Variants in DNM2 observed in about 807,000 individuals in gnomAD.
DNM2 encodes dynamin-2.
Under a neutral mutation model 99.0 loss-of-function variants are expected in DNM2, and 15 were observed. That is an observed-to-expected ratio of 0.15 (90% CI 0.10 to 0.23). The LOEUF is 0.23. DNM2 is among the 10% of genes least tolerant of loss of function. The pLI, the probability that DNM2 is intolerant of heterozygous loss-of-function variation, is 1.00. For missense variants in DNM2, 742 were observed against 1,189.4 expected (o/e 0.62, Z 5.53); for synonymous variants, 525 against 481.2 (o/e 1.09, Z -1.19).
At chr19:10,780,990 C>T (rs2071349325) in intron 5 of DNM2, among the ~76,000 whole-genome samples, 1 of 143,026 alleles carries the variant, frequency 7.0e-6, no homozygotes, top group Non-Finnish European at 1.5e-5. Flanking sequence ...TGTACTCCAG[C>T]CTGGGTGACA....
intron 6 of DNM2, 64 bp downstream of exon 6, chr19:10,783,184 T>A: frequency 1.3e-6 from 2 of 1,591,236 alleles, no homozygotes; most frequent in Non-Finnish European, 1.7e-6. Context: ...ACAGCTGCAA[T>A]CCTCACTGGC....
In DNM2 at chr19:10,718,120, C is replaced by T. The variant is rs959205377; in HGVS notation, c.-123C>T. 4.2e-5 allele frequency: 47 copies of T among 1,119,354 alleles called. No individual in the cohort carries two copies. Among genetic ancestry groups the T allele is most frequent in the Non-Finnish European group, 5.1e-5 (45 of 880,132 alleles). The allele number at this position is 1,119,354 out of a possible 1,614,324, so 69.3% of individuals were successfully genotyped here. Reference sequence around the variant, plus strand: ...GGCGACCGTGAGGCCGAGCCGGGAGCGGGCGTCTTGCCGAGGCCCGGGCGG... The same window carrying T: ...GGCGACCGTGAGGCCGAGCCGGGAGTGGGCGTCTTGCCGAGGCCCGGGCGG... On this transcript the variant is annotated 5_prime_UTR_variant, in exon 1 of 21. Transcript: ENST00000389253.
chr19:10,826,953 C>T (rs1355365374), intron 18 of DNM2, among the ~76,000 whole-genome samples: 1 of 151,662 alleles, frequency 6.6e-6, no homozygotes, highest in Admixed American at 6.6e-5. Context: ...CTAAGTAAAA[C>T]TCCCACACAG....
intron 1 of DNM2, among the ~76,000 whole-genome samples, chr19:10,745,105 A>C (rs12463204): frequency 0.63 from 96,158 of 152,028 alleles, 30,616 homozygotes; most frequent in African/African-American, 0.68. Flanking sequence ...ACATGACCTC[A>C]AGCCTGCTGT....
At position 10,818,779 on chromosome 19, in the gene DNM2, G is replaced by A. The variant is rs2072867195; in HGVS notation, c.1672-1201G>A. Among the ~76,000 whole-genome samples, 1 of 152,184 alleles carries A rather than the reference G, an allele frequency of 6.6e-6. No individual in the cohort carries two copies. The highest frequency in any genetic ancestry group is 6.5e-5 in the Admixed American group (1 of 15,282). Reference sequence around the variant, plus strand: ...ACGGCCCAGGGAGAAGAAGGGCCAGGGGCACTGTGGGGAGGACTGGGCTTT... The same window carrying A: ...ACGGCCCAGGGAGAAGAAGGGCCAGAGGCACTGTGGGGAGGACTGGGCTTT... On this transcript the variant is annotated intron_variant, in intron 15 of 20. Coordinates refer to ENST00000389253, the MANE Select transcript of DNM2 (RefSeq NM_001005361.3). This position sits in a 1 kb window ranked among gnomAD's most constrained non-coding sequence, Gnocchi z 4.3.
Position 10,753,675 on chromosome 19 carries a change from G to A in DNM2, c.162-6063G>A, listed in dbSNP as rs376596698. Reference sequence around the variant, plus strand: ...GGTTTTTGTTTTGTTTTTTTCCCCCGAGACGGAGTTTCGCTCTTTGTTGTG... The same window carrying A: ...GGTTTTTGTTTTGTTTTTTTCCCCCAAGACGGAGTTTCGCTCTTTGTTGTG... On this transcript the variant is annotated intron_variant, in intron 1 of 20. Transcript: ENST00000389253. Among the ~76,000 whole-genome samples, 18 of 149,882 alleles carry A rather than the reference G, an allele frequency of 1.2e-4. No individual in the cohort carries two copies. In the South Asian group the frequency reaches 3.4e-3, roughly 28 times the overall value.
rs2072795824 is a variant in DNM2 at position 10,817,551 on chromosome 19, C to G, written c.1672-2429C>G. 2.4e-6 allele frequency: 1 copy of G among 418,636 alleles called. No individual in the cohort carries two copies. The highest frequency in any genetic ancestry group is 4.4e-4 in the Middle Eastern group (1 of 2,270). The allele number at this position is 418,636 out of a possible 1,614,324, so 25.9% of individuals were successfully genotyped here. A position where few individuals can be genotyped will look rare whatever the true frequency, so the allele number is the denominator to read the frequency against. On this transcript the variant is annotated intron_variant, in intron 15 of 20. Coordinates refer to ENST00000389253, the MANE Select transcript of DNM2 (RefSeq NM_001005361.3). This position sits in a 1 kb window ranked among gnomAD's most constrained non-coding sequence, Gnocchi z 4.6. ...CCAGGCAGACGCTGGGGCCACCAGGCCAGGCCGTGCCTCAGCACCTCTGAG... is the reference window on the plus strand; with the variant it reads ...CCAGGCAGACGCTGGGGCCACCAGGGCAGGCCGTGCCTCAGCACCTCTGAG...
At chr19:10,724,336 C>T (rs2069041663) in intron 1 of DNM2, among the ~76,000 whole-genome samples, 1 of 152,146 alleles carries the variant, frequency 6.6e-6, no homozygotes, top group Non-Finnish European at 1.5e-5. Flanking sequence ...TGCCACCAGG[C>T]CCGGCTAATT....
chr19:10,756,311 C>A (rs543962561), intron 1 of DNM2, among the ~76,000 whole-genome samples: 2 of 152,246 alleles, frequency 1.3e-5, no homozygotes, highest in African/African-American at 2.4e-5. Context: ...CCTCTCACCC[C>A]TGCAGTATGT....
Position 10,829,150 on chromosome 19 carries a change from A to G in DNM2, c.2173A>G (p.Met725Val), listed in dbSNP as rs757876109. 10 of 1,613,854 alleles carry G rather than the reference A, an allele frequency of 6.2e-6. No homozygotes were observed. The highest frequency in any genetic ancestry group is 8.5e-6 in the Non-Finnish European group (10 of 1,180,030). ...ACAGCGGCGGGACGACATGCTGCGC[A>G]TGTACCATGCCCTCAAGGAGGCGCT... is the stretch of plus-strand genomic sequence containing the variant. ...QAQRRDDMLRMYHALKEALNI... is the reference protein window; with the variant it reads ...QAQRRDDMLRVYHALKEALNI... The change falls in exon 19 of 21, where the codon ATG becomes GTG. Residue 725 changes from methionine to valine, a missense_variant. This residue lies in a region of DNM2 where 187 missense variants were observed against 218.8 expected (regional missense o/e 0.85). Coordinates refer to ENST00000389253, the MANE Select transcript of DNM2 (RefSeq NM_001005361.3).
At chr19:10,741,031 G>A (rs2069726604) in intron 1 of DNM2, among the ~76,000 whole-genome samples, 2 of 152,114 alleles carry the variant, frequency 1.3e-5, no homozygotes, top group African/African-American at 4.8e-5. Context: ...ATATGCACAT[G>A]ATAAGAATGT....
intron 1 of DNM2, among the ~76,000 whole-genome samples, chr19:10,742,061 G>A (rs2069772573): frequency 6.6e-6 from 1 of 151,224 alleles, no homozygotes; most frequent in South Asian, 2.1e-4. Flanking sequence ...AGAGTCCTGT[G>A]CTTTTTTATA....
At chr19:10,738,991 A>AC (rs2069637694) in intron 1 of DNM2, among the ~76,000 whole-genome samples, 1 of 151,824 alleles carries the variant, frequency 6.6e-6, no homozygotes, top group Non-Finnish European at 1.5e-5. Flanking sequence ...ACACGGTGAA[A>AC]CCCCGTCTCT....
intron 13 of DNM2, among the ~76,000 whole-genome samples, chr19:10,807,663 C>T (rs1372527805): frequency 6.7e-6 from 1 of 148,934 alleles, no homozygotes; most frequent in Non-Finnish European, 1.5e-5. Flanking sequence ...ATTCTCCTGC[C>T]TCAGCCTTCT....
intron 1 of DNM2, among the ~76,000 whole-genome samples, chr19:10,742,773 A>G (rs921339329): frequency 6.6e-6 from 1 of 152,162 alleles, no homozygotes; most frequent in Non-Finnish European, 1.5e-5. Context: ...GTGTGCCAAT[A>G]GACCGGATGA....
At position 10,769,119 on chromosome 19, in the gene DNM2, C is replaced by T. The variant is rs148494182; in HGVS notation, c.236-3360C>T. Reference sequence around the variant, plus strand: ...CACATCATTCCTTGGGGACTTCTGCCCACCAGCTGCTCAGACCGTAGCTGT... The same window carrying T: ...CACATCATTCCTTGGGGACTTCTGCTCACCAGCTGCTCAGACCGTAGCTGT... On this transcript the variant is annotated intron_variant, in intron 2 of 20. Coordinates refer to ENST00000389253, the MANE Select transcript of DNM2 (RefSeq NM_001005361.3). Among the ~76,000 whole-genome samples the T allele has an allele frequency of 3.2e-3, 489 of 152,282 alleles. 1 individual carries two copies. The highest frequency in any genetic ancestry group is 0.011 in the African/African-American group (474 of 41,552).
rs143586840 is a variant in DNM2 at position 10,777,891 on chromosome 19, G to A, written c.688+675G>A. Among the ~76,000 whole-genome samples, 164 of 151,908 alleles carry A rather than the reference G, an allele frequency of 1.1e-3. 1 individual carries two copies. The highest frequency in any genetic ancestry group is 2.0e-3 in the Non-Finnish European group (138 of 67,988). ...ATTACAGCCATGAGCCACCGCACCC[G>A]GCCTATTATGAGCATTTTCAAACAT... On this transcript the variant is annotated intron_variant, in intron 5 of 20. Transcript: ENST00000389253.
At position 10,812,943 on chromosome 19, in the gene DNM2, A is replaced by G. The variant is rs963369352; in HGVS notation, c.1671+566A>G. Among the ~76,000 whole-genome samples, 1 of 152,188 alleles carries G rather than the reference A, an allele frequency of 6.6e-6. No individual in the cohort carries two copies. The highest frequency in any genetic ancestry group is 2.4e-5 in the African/African-American group (1 of 41,442). On this transcript the variant is annotated intron_variant, in intron 15 of 20. Coordinates refer to ENST00000389253, the MANE Select transcript of DNM2 (RefSeq NM_001005361.3). This position sits in a 1 kb window ranked among gnomAD's most constrained non-coding sequence, Gnocchi z 4.0. ...GTGATGGAGTCACTAGCAGGCTAGA[A>G]ACAGGCCCTGACCTCCAGTGCCACT...
intron 15 of DNM2, among the ~76,000 whole-genome samples, chr19:10,814,575 T>C (rs892064686): frequency 6.6e-5 from 10 of 152,216 alleles, no homozygotes; most frequent in Non-Finnish European, 1.2e-4. Flanking sequence ...TGTATGTTTG[T>C]ACCCATTAAC....
Sources: allele counts gnomAD v4.1 joint callset (sites outside exome capture counted in the v4.1 genomes callset), GRCh38; gene constraint gnomAD v4.1.1; regional missense constraint gnomAD v4.1.1; non-coding constraint Gnocchi (gnomAD v3.1); transcripts MANE v1.5; gene names NCBI Gene and HGNC (gene_info 2026-07-23, HGNC 2026-07-21).